The following CPEB3 variants were observed in gnomAD, a reference collection of about 807,000 sequenced individuals.
CPEB3 encodes cytoplasmic polyadenylation element binding protein 3, also known as cytoplasmic polyadenylation element-binding protein 3.
A neutral mutation model predicts 67.2 loss-of-function variants in CPEB3; 20 were observed. The ratio of observed to expected loss-of-function variants is 0.30; its 90% CI spans 0.21 to 0.43. The LOEUF (loss-of-function observed/expected upper bound fraction) is 0.43, where lower values mean the gene tolerates loss of function less well. Ranked by LOEUF, CPEB3 falls within the 20% of genes least tolerant of loss-of-function variation. The pLI, the probability that CPEB3 is intolerant of heterozygous loss-of-function variation, is 1.00. For missense variants in CPEB3, 746 were observed against 968.6 expected (o/e 0.77, Z 3.05); for synonymous variants, 376 against 393.1 (o/e 0.96, Z 0.51).
chr10:92,110,996 C>G, intron 7 of CPEB3, 80 bp downstream of exon 7: 1 of 1,017,166 alleles, frequency 9.8e-7, no homozygotes, highest in Non-Finnish European at 1.6e-6. Context: ...ACCAGCATTT[C>G]CATTATCAGA....
intron 2 of CPEB3, among the ~76,000 whole-genome samples, chr10:92,203,523 TATA>T (rs1277506004): frequency 7.9e-4 from 88 of 111,784 alleles, no homozygotes; most frequent in African/African-American, 2.2e-3. Flanking sequence ...TATATATATA[TATA>T]TATTTTTTTT....
intron 1 of CPEB3, among the ~76,000 whole-genome samples, chr10:92,254,966 G>T (rs930929616): frequency 6.6e-6 from 1 of 151,382 alleles, no homozygotes; most frequent in Admixed American, 6.6e-5. Context: ...CCTTGGCCTC[G>T]CAAAGTGTTG....
intron 1 of CPEB3, among the ~76,000 whole-genome samples, chr10:92,264,415 C>A (rs909971886): frequency 4.3e-4 from 65 of 152,056 alleles, no homozygotes; most frequent in African/African-American, 1.5e-3. Flanking sequence ...ATTTTTATTC[C>A]AAGGCTTAAC....
At chr10:92,081,246 C>T (rs1458275981) in intron 9 of CPEB3, 74 bp downstream of exon 9, 4 of 1,511,098 alleles carry the variant, frequency 2.6e-6, no homozygotes, top group African/African-American at 1.4e-5. Flanking sequence ...TCATAAGGTG[C>T]CTTTCTTCCC....
chr10:92,116,287 C>A (rs112660608), intron 6 of CPEB3, among the ~76,000 whole-genome samples: 1 of 150,320 alleles, frequency 6.7e-6, no homozygotes, highest in Non-Finnish European at 1.5e-5. Flanking sequence ...TAATAATATG[C>A]ACTTTCTATT....
At chr10:92,266,127 C>T (rs1853046759) in intron 1 of CPEB3, among the ~76,000 whole-genome samples, 1 of 152,168 alleles carries the variant, frequency 6.6e-6, no homozygotes, top group Non-Finnish European at 1.5e-5. Context: ...GTGGCAGATA[C>T]AGCACCTCAG....
intron 4 of CPEB3, among the ~76,000 whole-genome samples, chr10:92,175,391 T>C (rs1442137792): frequency 6.6e-6 from 1 of 152,094 alleles, no homozygotes; most frequent in African/African-American, 2.4e-5. Flanking sequence ...ACAATGCTGC[T>C]TTGAATATTC....
chr10:92,169,861 T>A (rs1047001767), intron 4 of CPEB3, among the ~76,000 whole-genome samples: 1 of 152,248 alleles, frequency 6.6e-6, no homozygotes, highest in South Asian at 2.1e-4. Flanking sequence ...CATATCAGAC[T>A]GAATATTCTC....
chr10:92,158,237 C>A (rs561740645), intron 4 of CPEB3, among the ~76,000 whole-genome samples: 28 of 151,972 alleles, frequency 1.8e-4, no homozygotes, highest in South Asian at 6.2e-4. Flanking sequence ...TTTTAAAAAA[C>A]CTTTATGAAG....
In CPEB3 at chr10:92,254,220, C is replaced by T. The variant is rs562055066; in HGVS notation, c.-11-13859G>A. Among the ~76,000 whole-genome samples, 13 of 147,482 alleles carry T rather than the reference C, an allele frequency of 8.8e-5. 1 individual carries two copies. In the South Asian group the frequency reaches 2.7e-3, roughly 31 times the overall value. The stretch of plus-strand genomic sequence containing the variant: ...CCTCAGCCTGGGCAACAGAGTGAGA[C>T]CCTGCCTTTAAAAAAAAAAAAATGC... On this transcript the variant is annotated intron_variant, in intron 1 of 9. Transcript: ENST00000265997.
chr10:92,099,811 C>T (rs1844086010), intron 7 of CPEB3, among the ~76,000 whole-genome samples: 2 of 151,274 alleles, frequency 1.3e-5, no homozygotes, highest in South Asian at 4.2e-4. Context: ...TTGCAGGGAA[C>T]TGAGATCACG....
In CPEB3 at chr10:92,052,079, A is replaced by T. The variant is rs543298212; in HGVS notation, c.*133T>A. The stretch of plus-strand genomic sequence containing the variant: ...CTGTAAATAATAATAATAATAATAA[A>T]AAGACCCAATTCTTCTTTAAAAATC... On this transcript the variant is annotated 3_prime_UTR_variant, in exon 10 of 10. Transcript: ENST00000265997. 16 of 600,580 alleles carry T rather than the reference A, an allele frequency of 2.7e-5. No individual in the cohort carries two copies. The highest frequency in any genetic ancestry group is 1.1e-4 in the East Asian group (4 of 35,716). 37.2% of individuals were successfully genotyped at this position (600,580 alleles called of 1,614,324 possible). A position where few individuals can be genotyped will look rare whatever the true frequency, so the allele number is the denominator to read the frequency against.
intron 4 of CPEB3, among the ~76,000 whole-genome samples, chr10:92,154,717 CCTT>C (rs1357186934): frequency 6.6e-6 from 1 of 152,196 alleles, no homozygotes; most frequent in Non-Finnish European, 1.5e-5. Flanking sequence ...CATCTTTAAG[CCTT>C]CTTCTAAGGA....
intron 1 of CPEB3, among the ~76,000 whole-genome samples, chr10:92,249,173 T>C (rs1004351110): frequency 6.6e-6 from 1 of 152,004 alleles, no homozygotes; most frequent in Non-Finnish European, 1.5e-5. Flanking sequence ...GGTCAGGAGA[T>C]TGAGACCATC....
At chr10:92,286,049 C>T (rs1842512366) in intron 1 of CPEB3, among the ~76,000 whole-genome samples, 2 of 151,824 alleles carry the variant, frequency 1.3e-5, no homozygotes, top group East Asian at 3.9e-4. Flanking sequence ...CATTCTCCAG[C>T]CTTGGCCTCC....
chr10:92,257,662 A>G (rs1269333793), intron 1 of CPEB3, among the ~76,000 whole-genome samples: 1 of 152,092 alleles, frequency 6.6e-6, no homozygotes, highest in Non-Finnish European at 1.5e-5. Flanking sequence ...AAAACAATGT[A>G]TAAATAGTAT....
intron 6 of CPEB3, among the ~76,000 whole-genome samples, chr10:92,139,728 G>T (rs1013053495): frequency 6.6e-6 from 1 of 152,062 alleles, no homozygotes; most frequent in African/African-American, 2.4e-5. Context: ...AATGCTTGAG[G>T]TGATGAATAC....
chr10:92,191,157 T>C (rs1159021550), intron 3 of CPEB3, among the ~76,000 whole-genome samples: 1 of 152,120 alleles, frequency 6.6e-6, no homozygotes, highest in African/African-American at 2.4e-5. Context: ...CTCCCAGCAC[T>C]TTGGGAGGCC....
intron 2 of CPEB3, among the ~76,000 whole-genome samples, chr10:92,199,889 AAC>A (rs943984388): frequency 5.2e-4 from 50 of 96,208 alleles, no homozygotes; most frequent in African/African-American, 1.5e-3. Context: ...TTTTTCTCCA[AAC>A]ACACAGAGAG....
Sources: allele counts gnomAD v4.1 joint callset (sites outside exome capture counted in the v4.1 genomes callset), GRCh38; gene constraint gnomAD v4.1.1; transcripts MANE v1.5; gene names NCBI Gene and HGNC (gene_info 2026-07-23, HGNC 2026-07-21).